The following ASAP2 variants were observed in gnomAD, a reference collection of about 807,000 sequenced individuals.
ASAP2 encodes the protein ArfGAP with SH3 domain, ankyrin repeat and PH domain 2.
A neutral mutation model predicts 131.4 loss-of-function variants in ASAP2; 45 were observed. The observed-to-expected ratio is 0.34, with a 90% confidence interval of 0.27 to 0.44. The LOEUF (loss-of-function observed/expected upper bound fraction) is 0.44. Ranked by LOEUF, ASAP2 falls within the 20% of genes least tolerant of loss-of-function variation. ASAP2 has a pLI of 1.00. For missense variants in ASAP2, 1,011 were observed against 1,297.0 expected, an observed-to-expected ratio of 0.78 and a Z score of 3.39; for synonymous variants, 510 against 503.0, an observed-to-expected ratio of 1.01 and a Z score of -0.19.
chr2:9,210,695 C>A (rs556843917), intron 1 of ASAP2, among the ~76,000 whole-genome samples: 204 of 152,040 alleles, frequency 1.3e-3, no homozygotes, highest in African/African-American at 4.6e-3. Context: ...GCTGGGACTA[C>A]AGGTGCCCGC....
At chr2:9,375,731 G>A (rs952104711) in intron 17 of ASAP2, among the ~76,000 whole-genome samples, 1 of 152,184 alleles carries the variant, frequency 6.6e-6, no homozygotes, top group African/African-American at 2.4e-5. Flanking sequence ...ATCTCCAGGT[G>A]GAGGAGAAGA....
intron 1 of ASAP2, among the ~76,000 whole-genome samples, chr2:9,254,574 A>G (rs1168439782): frequency 4.3e-5 from 5 of 115,996 alleles, no homozygotes; most frequent in African/African-American, 1.1e-4. Context: ...GGGTTTTACC[A>G]TGTTGGTCAG....
At chr2:9,363,517 C>T (rs1041498775) in intron 15 of ASAP2, among the ~76,000 whole-genome samples, 4 of 152,172 alleles carry the variant, frequency 2.6e-5, no homozygotes, top group Non-Finnish European at 5.9e-5. Context: ...ATTTGCATTT[C>T]CCTGATGATT....
intron 16 of ASAP2, among the ~76,000 whole-genome samples, chr2:9,373,100 C>T (rs746035961): frequency 1.4e-4 from 22 of 152,182 alleles, no homozygotes; most frequent in African/African-American, 4.1e-4. Context: ...GCTCAGTGCA[C>T]GGGTTAGCGC....
chr2:9,400,669 G>A, intron 25 of ASAP2, 73 bp from the exon 26 acceptor site: 1 of 1,359,714 alleles, frequency 7.4e-7, no homozygotes, highest in Non-Finnish European at 1.1e-6. Context: ...CACACCCTGT[G>A]GCTTGTACAT....
chr2:9,355,746 T>C (rs1286936023), intron 12 of ASAP2, among the ~76,000 whole-genome samples: 1 of 152,174 alleles, frequency 6.6e-6, no homozygotes, highest in African/African-American at 2.4e-5. Flanking sequence ...AACTCTGTAG[T>C]GAGTTAAAAT....
At chr2:9,312,397 A>G (rs992258682) in intron 3 of ASAP2, among the ~76,000 whole-genome samples, 1 of 152,040 alleles carries the variant, frequency 6.6e-6, no homozygotes, top group African/African-American at 2.4e-5. Context: ...CTCGACTGCC[A>G]CGGCTGGCAG....
intron 8 of ASAP2, 107 bp downstream of exon 8, chr2:9,334,920 A>G: frequency 7.1e-7 from 1 of 1,405,344 alleles, no homozygotes; most frequent in Non-Finnish European, 9.9e-7. Context: ...CGTGCCGCCC[A>G]CGTGGAGTGT....
chr2:9,397,744 A>ATTT lies in ASAP2; in HGVS notation c.2685-2278_2685-2277insTTT, dbSNP rs1558403324. Among the ~76,000 whole-genome samples, 93 of 87,160 alleles carry ATTT rather than the reference A, an allele frequency of 1.1e-3. 2 individuals carry two copies. The highest frequency in any genetic ancestry group is 6.6e-3 in the African/African-American group (73 of 11,140). 57.2% of individuals were successfully genotyped at this position (87,160 alleles called of 152,430 possible). On this transcript the variant is annotated intron_variant, in intron 24 of 27. Transcript: ENST00000281419. ...ATCAAAAGGATATATATATATATATATATATATTTTTTTTTTTTTTTTTTT... is the reference window on the plus strand; with the variant it reads ...ATCAAAAGGATATATATATATATATATTTTATATATTTTTTTTTTTTTTTTTTT...
rs750387025 is a variant in ASAP2 at position 9,388,298 on chromosome 2, G to A, written c.2135G>A (p.Ser712Asn). The A allele has an allele frequency of 1.9e-6, 3 of 1,613,902 alleles. No homozygotes were observed. The South Asian group carries it at 3.3e-5, about 18-fold the overall frequency. Reference protein sequence around the residue: ...DDDMDEKLQPSPNRREDRPIS... With the variant: ...DDDMDEKLQPNPNRREDRPIS... ...TGCCCCAATGTTCTCCTGCAGCCCAGTCCCAACCGGCGGGAAGACCGGCCC... is the reference window on the plus strand; with the variant it reads ...TGCCCCAATGTTCTCCTGCAGCCCAATCCCAACCGGCGGGAAGACCGGCCC... The change falls in exon 22 of 28, where the codon AGT (serine) becomes AAT (asparagine). Residue 712 changes from serine to asparagine, a missense_variant. Around this residue, in one of 2 missense-constraint regions of ASAP2, gnomAD observed 652 missense variants for 698.9 expected, o/e 0.93. Coordinates refer to ENST00000281419, the MANE Select transcript of ASAP2 (RefSeq NM_003887.3).
intron 16 of ASAP2, among the ~76,000 whole-genome samples, chr2:9,373,013 A>G (rs1674102249): frequency 6.6e-6 from 1 of 152,088 alleles, no homozygotes; most frequent in African/African-American, 2.4e-5. Context: ...ACAGGTGGAG[A>G]TGAAAACTCA....
Position 9,395,594 on chromosome 2 carries a change from C to CTTTTTTTTTTTTTTTTTT in ASAP2, c.2684+1961_2684+1978dup. On this transcript the variant is annotated intron_variant, in intron 24 of 27. Coordinates refer to ENST00000281419, the MANE Select transcript of ASAP2 (RefSeq NM_003887.3). ...GTTTTGTTTTTCTTGTGTTTTTTTT[C>CTTTTTTTTTTTTTTTTTT]TTTTTTTTTTTTTTTTTTTTTTTTT... is the stretch of plus-strand genomic sequence containing the variant. 1.2e-4 allele frequency among the ~76,000 whole-genome samples: 7 copies of CTTTTTTTTTTTTTTTTTT among 59,056 alleles called. 1 individual carries two copies. Among genetic ancestry groups the CTTTTTTTTTTTTTTTTTT allele is most frequent in the Non-Finnish European group, 2.6e-4 (7 of 27,436 alleles). 38.7% of individuals were successfully genotyped at this position (59,056 alleles called of 152,430 possible).
intron 3 of ASAP2, among the ~76,000 whole-genome samples, chr2:9,312,713 C>T (rs2148466931): frequency 6.6e-6 from 1 of 152,268 alleles, no homozygotes; most frequent in South Asian, 2.1e-4. Context: ...CGTGTCTCCC[C>T]ATTCACCCGA....
intron 2 of ASAP2, among the ~76,000 whole-genome samples, chr2:9,285,832 T>A (rs2148340270): frequency 6.6e-6 from 1 of 152,342 alleles, no homozygotes; most frequent in Middle Eastern, 3.4e-3. Flanking sequence ...AATCAGAATA[T>A]CCTAGAAAAT....
intron 3 of ASAP2, among the ~76,000 whole-genome samples, chr2:9,318,050 G>T (rs1343589113): frequency 6.6e-6 from 1 of 152,164 alleles, no homozygotes. Flanking sequence ...TGCCTTTGCA[G>T]CAGACAGAAG....
intron 3 of ASAP2, among the ~76,000 whole-genome samples, chr2:9,317,728 TCA>T (rs1460191128): frequency 5.5e-5 from 8 of 144,370 alleles, no homozygotes; most frequent in Admixed American, 1.4e-4. Flanking sequence ...ACAATCACAT[TCA>T]CACTCACATC....
At chr2:9,395,889 G>C (rs1572633763) in intron 24 of ASAP2, among the ~76,000 whole-genome samples, 4 of 152,084 alleles carry the variant, frequency 2.6e-5, no homozygotes, top group Admixed American at 2.6e-4. Context: ...TTACAGGCTT[G>C]AGCCACTGTG....
At chr2:9,221,737 A>T (rs1173069475) in intron 1 of ASAP2, among the ~76,000 whole-genome samples, 1 of 152,224 alleles carries the variant, frequency 6.6e-6, no homozygotes, top group Non-Finnish European at 1.5e-5. Context: ...TATGCAAAAT[A>T]TCATCTGCAA....
chr2:9,383,268 A>AT (rs1356030688), intron 20 of ASAP2, among the ~76,000 whole-genome samples: 2 of 151,994 alleles, frequency 1.3e-5, no homozygotes, highest in African/African-American at 2.4e-5. Context: ...GCAGTAAACA[A>AT]TTTTTTTAAA....
Sources: gnomAD v4.1 joint callset for allele counts (sites outside exome capture counted in the v4.1 genomes callset) on GRCh38, gnomAD v4.1.1 for gene constraint, gnomAD v4.1.1 regional missense constraint, MANE v1.5 for transcripts, NCBI Gene and HGNC (gene_info 2026-07-23, HGNC 2026-07-21) for gene names.